The following STX8 variants were observed in gnomAD, a reference collection of about 807,000 sequenced individuals.
STX8 encodes the protein syntaxin 8, also known as syntaxin-8.
Under a neutral mutation model 37.5 loss-of-function variants are expected in STX8, and 23 were observed. That is an observed-to-expected ratio of 0.61 (90% CI 0.44 to 0.87). The LOEUF is 0.87. STX8 is among the 40% of genes least tolerant of loss of function. The pLI is 0.00. For missense variants in STX8, 313 were observed against 284.7 expected (o/e 1.10, Z -0.71); for synonymous variants, 115 against 99.1 (o/e 1.16, Z -0.95).
At chr17:9,539,794 A>G (rs1273352162) in intron 4 of STX8, among the ~76,000 whole-genome samples, 1 of 152,182 alleles carries the variant, frequency 6.6e-6, no homozygotes, top group East Asian at 1.9e-4. Flanking sequence ...GACTAAGGAA[A>G]TCTCTGCAAG....
intron 4 of STX8, among the ~76,000 whole-genome samples, chr17:9,509,485 C>T (rs773501300): frequency 1.3e-5 from 2 of 151,956 alleles, no homozygotes; most frequent in Non-Finnish European, 2.9e-5. Flanking sequence ...CTTTCACAGA[C>T]AAGCAAAAAC....
intron 6 of STX8, among the ~76,000 whole-genome samples, chr17:9,400,749 T>C (rs1194413731): frequency 6.6e-6 from 1 of 152,168 alleles, no homozygotes; most frequent in Non-Finnish European, 1.5e-5. Context: ...AAAACTATGT[T>C]ATTTCAATTG....
chr17:9,557,050 A>G (rs1907009171), intron 3 of STX8: 1 of 167,194 alleles, frequency 6.0e-6, no homozygotes, highest in Non-Finnish European at 1.3e-5. Context: ...AACTCTGGAA[A>G]CTCCCAGAAG....
intron 6 of STX8, among the ~76,000 whole-genome samples, chr17:9,480,158 A>G (rs1190324360): frequency 6.6e-6 from 1 of 152,188 alleles, no homozygotes; most frequent in African/African-American, 2.4e-5. Context: ...TCTGTCCAGC[A>G]GCTGCCTCCC....
chr17:9,525,861 C>G (rs1338018535), intron 4 of STX8, among the ~76,000 whole-genome samples: 1 of 152,196 alleles, frequency 6.6e-6, no homozygotes, highest in Non-Finnish European at 1.5e-5. Context: ...TACAAAGAGC[C>G]TCCACATAGA....
At chr17:9,312,983 G>A (rs910989419) in intron 7 of STX8, among the ~76,000 whole-genome samples, 3 of 152,026 alleles carry the variant, frequency 2.0e-5, no homozygotes, top group African/African-American at 7.2e-5. Context: ...CTGAGGTTGG[G>A]AGTTTGAGAC....
chr17:9,471,494 T>C (rs1905865839), intron 6 of STX8, among the ~76,000 whole-genome samples: 1 of 152,104 alleles, frequency 6.6e-6, no homozygotes, highest in Non-Finnish European at 1.5e-5. Context: ...AGGTTGGCCC[T>C]TCCCTGGCTG....
intron 4 of STX8, among the ~76,000 whole-genome samples, chr17:9,510,089 G>A (rs1904973704): frequency 1.3e-5 from 2 of 152,144 alleles, no homozygotes; most frequent in Non-Finnish European, 2.9e-5. Flanking sequence ...TGTAACAACT[G>A]TAAATATATA....
At chr17:9,529,177 T>TG (rs36078344) in intron 4 of STX8, among the ~76,000 whole-genome samples, 67,626 of 151,800 alleles carry the variant, frequency 0.45, 15,404 homozygotes, top group South Asian at 0.64. Context: ...ATCTAGCAAC[T>TG]GGGATGGGCT....
chr17:9,369,710 G>A (rs1273556304), intron 7 of STX8, among the ~76,000 whole-genome samples: 1 of 151,254 alleles, frequency 6.6e-6, no homozygotes, highest in African/African-American at 2.4e-5. Flanking sequence ...TGGGCAACAT[G>A]GTGAAATCCT....
At chr17:9,330,538 G>A (rs1909926866) in intron 7 of STX8, among the ~76,000 whole-genome samples, 1 of 152,136 alleles carries the variant, frequency 6.6e-6, no homozygotes, top group South Asian at 2.1e-4. Flanking sequence ...ACACTCTTCT[G>A]CCCCCTACCA....
intron 5 of STX8, among the ~76,000 whole-genome samples, chr17:9,501,098 G>A (rs1904593610): frequency 6.6e-6 from 1 of 152,206 alleles, no homozygotes; most frequent in Non-Finnish European, 1.5e-5. Flanking sequence ...AGGCATTGCT[G>A]AGAGAATTTG....
chr17:9,264,075 A>G (rs966550677), intron 7 of STX8, among the ~76,000 whole-genome samples: 3 of 152,220 alleles, frequency 2.0e-5, no homozygotes, highest in Non-Finnish European at 4.4e-5. Context: ...AAGGAAGCCC[A>G]ATTAGTCCAA....
intron 6 of STX8, among the ~76,000 whole-genome samples, chr17:9,462,444 G>A (rs909017224): frequency 5.3e-5 from 8 of 152,250 alleles, no homozygotes; most frequent in African/African-American, 1.4e-4. Flanking sequence ...TCAGGAGGCC[G>A]GGTGCAGTGG....
In STX8 at chr17:9,385,920, C is replaced by T. The variant is rs183904814; in HGVS notation, c.542-7267G>A. Among the ~76,000 whole-genome samples, 446 of 152,270 alleles carry T rather than the reference C, an allele frequency of 2.9e-3. 7 individuals carry two copies. The highest frequency in any genetic ancestry group is 0.027 in the Admixed American group (414 of 15,300). On this transcript the variant is annotated intron_variant, in intron 6 of 7. Coordinates refer to ENST00000306357, the MANE Select transcript of STX8 (RefSeq NM_004853.3). ...CCTGAGTAGCTGGGATTTACAGGCA[C>T]GCGCCACTGCGCCTGTCTAATTTTT... is the stretch of plus-strand genomic sequence containing the variant.
chr17:9,486,551 G>A (rs1906606440), intron 6 of STX8, among the ~76,000 whole-genome samples: 2 of 152,086 alleles, frequency 1.3e-5, no homozygotes, highest in Admixed American at 1.3e-4. Context: ...TTGTTTTGGT[G>A]TTCTTTTTAA....
Position 9,438,757 on chromosome 17 carries a change from G to A in STX8, c.541+53072C>T, listed in dbSNP as rs138141264. Reference sequence around the variant, plus strand: ...TCCTGGCTAACACGGTGAAACCCCCGTCTCTATTAAAAATACAAAAAATTA... The same window carrying A: ...TCCTGGCTAACACGGTGAAACCCCCATCTCTATTAAAAATACAAAAAATTA... On this transcript the variant is annotated intron_variant, in intron 6 of 7. Coordinates refer to ENST00000306357, the MANE Select transcript of STX8 (RefSeq NM_004853.3). Among the ~76,000 whole-genome samples the A allele has an allele frequency of 3.0e-3, 458 of 151,834 alleles. 4 individuals are homozygous for A. The highest frequency in any genetic ancestry group is 0.01 in the African/African-American group (422 of 41,306).
At chr17:9,481,664 C>A (rs1347183176) in intron 6 of STX8, among the ~76,000 whole-genome samples, 2 of 152,156 alleles carry the variant, frequency 1.3e-5, no homozygotes, top group African/African-American at 4.8e-5. Context: ...GGGTCCCCCA[C>A]CCCAAGCCGC....
At chr17:9,434,202 A>C (rs1015890173) in intron 6 of STX8, among the ~76,000 whole-genome samples, 1 of 151,964 alleles carries the variant, frequency 6.6e-6, no homozygotes, top group Non-Finnish European at 1.5e-5. Context: ...ACAGGGTTTC[A>C]CCATATTAGC....
Sources: gnomAD v4.1 joint callset for allele counts (sites outside exome capture counted in the v4.1 genomes callset) on GRCh38, gnomAD v4.1.1 for gene constraint, MANE v1.5 for transcripts, NCBI Gene and HGNC (gene_info 2026-07-23, HGNC 2026-07-21) for gene names.